Variants in SULT6B1 observed in about 807,000 individuals in gnomAD.
SULT6B1 encodes the protein sulfotransferase 6B1.
SULT6B1 carries 44 observed loss-of-function variants against 37.2 expected under a neutral mutation model. That is an observed-to-expected ratio of 1.18 (90% confidence interval 0.93 to 1.52). SULT6B1 has a LOEUF of 1.52. Ranked by LOEUF, SULT6B1 falls within the 40% of genes most tolerant of loss-of-function variation. SULT6B1 has a pLI of 0.00. For missense variants in SULT6B1, 450 were observed against 361.0 expected, an observed-to-expected ratio of 1.25 and a Z score of -2.00; for synonymous variants, 140 against 126.0, an observed-to-expected ratio of 1.11 and a Z score of -0.74.
intron 2 of SULT6B1, among the ~76,000 whole-genome samples, chr2:37,185,880 A>G (rs1383759764): frequency 6.6e-6 from 1 of 152,056 alleles, no homozygotes; most frequent in South Asian, 2.1e-4. Context: ...ACCTAGGTCA[A>G]AGCTTCTTAC....
intron 2 of SULT6B1, 44 bp from the exon 3 acceptor site, chr2:37,183,558 ATG>A (rs111239474): frequency 3.5e-3 from 4,939 of 1,409,736 alleles, no homozygotes; most frequent in South Asian, 7.3e-3. Flanking sequence ...ACGTGTGTGC[ATG>A]TGTGTGTGTG....
chr2:37,174,483 C>G (rs1180174522), intron 5 of SULT6B1, among the ~76,000 whole-genome samples: 6 of 152,052 alleles, frequency 3.9e-5, no homozygotes, highest in African/African-American at 1.2e-4. Context: ...TAGGCATGAA[C>G]CACCACACCA....
chr2:37,181,050 T>C (rs1676538714), intron 3 of SULT6B1, among the ~76,000 whole-genome samples: 1 of 152,198 alleles, frequency 6.6e-6, no homozygotes, highest in South Asian at 2.1e-4. Context: ...ACCAAATTTG[T>C]AAATAACATG....
At chr2:37,180,892 C>G (rs1310816749) in intron 3 of SULT6B1, among the ~76,000 whole-genome samples, 1 of 152,064 alleles carries the variant, frequency 6.6e-6, no homozygotes, top group African/African-American at 2.4e-5. Flanking sequence ...TCAACAATAA[C>G]AACAATAACA....
intron 6 of SULT6B1, among the ~76,000 whole-genome samples, chr2:37,170,482 A>G (rs2148283782): frequency 6.6e-6 from 1 of 150,988 alleles, no homozygotes; most frequent in Non-Finnish European, 1.5e-5. Context: ...AAATATATAA[A>G]ATAAATAAGA....
chr2:37,171,357 GA>G, intron 6 of SULT6B1, 76 bp downstream of exon 6: 1 of 1,509,430 alleles, frequency 6.6e-7, no homozygotes. Context: ...GACTTAAGAT[GA>G]AGTTATTTGG....
upstream of SULT6B1, among the ~76,000 whole-genome samples, chr2:37,189,019 G>A (rs1378985129): frequency 2.0e-5 from 3 of 152,136 alleles, no homozygotes; most frequent in Non-Finnish European, 4.4e-5. Context: ...TTCTCTTCTG[G>A]GTTGATAGAT....
intron 6 of SULT6B1, among the ~76,000 whole-genome samples, chr2:37,170,758 AAAC>A (rs1360537849): frequency 4.3e-4 from 61 of 143,206 alleles, no homozygotes; most frequent in Admixed American, 1.1e-3. Context: ...AAAAAAAAAA[AAAC>A]TCACTGATGG....
intron 1 of SULT6B1, among the ~76,000 whole-genome samples, chr2:37,193,704 G>A (rs947329606): frequency 6.6e-6 from 1 of 151,490 alleles, no homozygotes; most frequent in African/African-American, 2.4e-5. Flanking sequence ...GAAATGTCTA[G>A]GCTTTAAGGT....
intron 4 of SULT6B1, among the ~76,000 whole-genome samples, chr2:37,178,388 A>G (rs6709897): frequency 0.17 from 25,610 of 152,056 alleles, 2,317 homozygotes; most frequent in South Asian, 0.26. Context: ...GGCATGCAAC[A>G]CCACACCTGG....
chr2:37,174,137 C>T (rs1676363151), intron 5 of SULT6B1, among the ~76,000 whole-genome samples: 3 of 152,110 alleles, frequency 2.0e-5, no homozygotes, highest in Admixed American at 6.6e-5. Flanking sequence ...ATGCTCTTCC[C>T]CAGTTACCTA....
At chr2:37,171,733 C>T (rs1676307950) in intron 5 of SULT6B1, 143 bp from the exon 6 acceptor site, 7 of 673,986 alleles carry the variant, frequency 1.0e-5, no homozygotes, top group Non-Finnish European at 1.7e-5. Flanking sequence ...GTACTTTCAT[C>T]TTCTTATGTA....
intron 6 of SULT6B1, among the ~76,000 whole-genome samples, chr2:37,170,547 G>A (rs1028770191): frequency 1.3e-5 from 2 of 151,352 alleles, no homozygotes; most frequent in African/African-American, 2.4e-5. Flanking sequence ...CTGTAATCCA[G>A]CACTTTGGGA....
At chr2:37,187,501 C>T (rs373988958) in intron 1 of SULT6B1, 34 bp from the exon 2 acceptor site, 65 of 1,368,414 alleles carry the variant, frequency 4.8e-5, no homozygotes, top group Non-Finnish European at 5.7e-5. Context: ...AAACTCATTA[C>T]GGAGTCTTGA....
At chr2:37,176,552 G>A (rs764024486) in intron 4 of SULT6B1, among the ~76,000 whole-genome samples, 27 of 151,946 alleles carry the variant, frequency 1.8e-4, no homozygotes, top group Non-Finnish European at 3.2e-4. Flanking sequence ...GAGCCACCCC[G>A]CTCGGCCTCA....
intron 6 of SULT6B1, among the ~76,000 whole-genome samples, chr2:37,169,423 T>A (rs1320134079): frequency 6.6e-6 from 1 of 152,226 alleles, no homozygotes; most frequent in African/African-American, 2.4e-5. Context: ...TGAGCTTTGA[T>A]TCCTACATTT....
upstream of SULT6B1, chr2:37,191,259 A>C (rs1676774112): frequency 1.9e-4 from 1 of 5,302 alleles, no homozygotes; most frequent in South Asian, 0.013. Flanking sequence ...TTTCACTGCA[A>C]AAAAAAAAAA....
intron 5 of SULT6B1, among the ~76,000 whole-genome samples, chr2:37,174,227 CTTTTTTTTTTTT>C (rs35100458): frequency 1.2e-4 from 7 of 58,478 alleles, no homozygotes; most frequent in Non-Finnish European, 1.9e-4. Flanking sequence ...TCTTCCTATT[CTTTTTTTTTTTT>C]TTTTTTTTTT....
Position 37,171,558 on chromosome 2 carries a change from C to T in SULT6B1, c.657G>A (p.Glu219=). 6.2e-7 allele frequency: 1 copy of T among 1,613,928 alleles called. No individual in the cohort carries two copies. Among genetic ancestry groups the T allele is most frequent in the Non-Finnish European group, 8.5e-7 (1 of 1,179,972 alleles). Residue 219 remains glutamate, a synonymous_variant, in exon 6 of 7, where the codon GAG becomes GAA. Transcript: ENST00000535679. ...NLAAGIKQIA[E]FLGFFLTGEQ... ...CCCCAGTTAGAAAGAATCCCAAGAA[C>T]TCAGCAATCTGTTTTATTCCAGCAG...
Sources: gnomAD v4.1 joint callset for allele counts (sites outside exome capture counted in the v4.1 genomes callset) on GRCh38, gnomAD v4.1.1 for gene constraint, MANE v1.5 for transcripts, NCBI Gene and HGNC (gene_info 2026-07-23, HGNC 2026-07-21) for gene names.